The following CTNNA3 variants were observed in gnomAD, a reference collection of about 807,000 sequenced individuals.
CTNNA3 encodes catenin alpha-3.
A neutral mutation model predicts 95.7 loss-of-function variants in CTNNA3; 76 were observed. That is an observed-to-expected ratio of 0.79 (90% CI 0.66 to 0.96). The LOEUF (loss-of-function observed/expected upper bound fraction) is 0.96. Among genes scored for constraint, CTNNA3 ranks in the 40% least tolerant of loss-of-function variants. CTNNA3 has a pLI of 0.00. For synonymous variants in CTNNA3, 431 were observed against 374.4 expected (o/e 1.15, Z -1.74); for missense variants, 1,191 against 1,089.8 (o/e 1.09, Z -1.31).
intron 9 of CTNNA3, among the ~76,000 whole-genome samples, chr10:66,763,305 TAA>T (rs1457705043): frequency 5.9e-5 from 6 of 101,774 alleles, no homozygotes; most frequent in African/African-American, 8.6e-5. Context: ...CTTCATGAGA[TAA>T]ACACACACAC....
intron 17 of CTNNA3, among the ~76,000 whole-genome samples, chr10:65,923,387 G>A (rs767607035): frequency 2.0e-5 from 3 of 152,136 alleles, no homozygotes; most frequent in Non-Finnish European, 4.4e-5. Flanking sequence ...CTTATTCAAT[G>A]TTTTTATGAT....
intron 5 of CTNNA3, among the ~76,000 whole-genome samples, chr10:67,341,981 T>C (rs970974700): frequency 1.4e-5 from 2 of 143,872 alleles, no homozygotes; most frequent in Admixed American, 7.2e-5. Context: ...CTTTTTGCCA[T>C]TTATGTGTCT....
intron 1 of CTNNA3, among the ~76,000 whole-genome samples, chr10:67,692,167 T>C (rs78132199): frequency 2.1e-5 from 3 of 142,740 alleles, no homozygotes; most frequent in African/African-American, 2.6e-5. Flanking sequence ...AGGTGAGGGG[T>C]GCCTCTGCCC....
At chr10:67,328,242 C>G (rs952525766) in intron 5 of CTNNA3, among the ~76,000 whole-genome samples, 5 of 152,142 alleles carry the variant, frequency 3.3e-5, no homozygotes, top group African/African-American at 1.2e-4. Context: ...CCTGCTGGAG[C>G]TCTCTACCAG....
At chr10:66,808,314 G>A (rs1564696567) in intron 7 of CTNNA3, among the ~76,000 whole-genome samples, 1 of 152,132 alleles carries the variant, frequency 6.6e-6, no homozygotes, top group Non-Finnish European at 1.5e-5. Flanking sequence ...AGTATGTCTT[G>A]TAAATTTAAT....
At chr10:67,595,488 G>A (rs193198056) in intron 3 of CTNNA3, among the ~76,000 whole-genome samples, 98 of 152,258 alleles carry the variant, frequency 6.4e-4, no homozygotes, top group Admixed American at 5.5e-3. Context: ...ATTGCACTGA[G>A]GACCTGGAAT....
At chr10:66,218,640 A>G (rs929775875) in intron 13 of CTNNA3, among the ~76,000 whole-genome samples, 2 of 152,202 alleles carry the variant, frequency 1.3e-5, no homozygotes, top group Admixed American at 1.3e-4. Flanking sequence ...ACACTGCCAG[A>G]TTCCTTAAGA....
At chr10:66,345,564 C>A (rs966036432) in intron 12 of CTNNA3, among the ~76,000 whole-genome samples, 3 of 151,804 alleles carry the variant, frequency 2.0e-5, no homozygotes, top group Non-Finnish European at 2.9e-5. Flanking sequence ...TAAATGTAAA[C>A]AATTCTTTTC....
chr10:66,610,186 G>A (rs1844276891), intron 10 of CTNNA3, among the ~76,000 whole-genome samples: 3 of 151,948 alleles, frequency 2.0e-5, no homozygotes, highest in African/African-American at 7.2e-5. Flanking sequence ...TAATCTCCAG[G>A]AATAGACTTC....
At chr10:66,192,558 G>A (rs1421404617) in intron 13 of CTNNA3, among the ~76,000 whole-genome samples, 4 of 152,080 alleles carry the variant, frequency 2.6e-5, no homozygotes, top group Non-Finnish European at 5.9e-5. Flanking sequence ...TATTTTTCCT[G>A]TACTTTTAAG....
At chr10:67,389,806 A>G (rs1444536869) in intron 5 of CTNNA3, among the ~76,000 whole-genome samples, 1 of 152,138 alleles carries the variant, frequency 6.6e-6, no homozygotes, top group East Asian at 1.9e-4. Flanking sequence ...CTCCTGAATG[A>G]CTACTGGGTA....
intron 9 of CTNNA3, among the ~76,000 whole-genome samples, chr10:66,664,138 T>C (rs1279874721): frequency 2.6e-5 from 4 of 152,182 alleles, no homozygotes; most frequent in Admixed American, 1.3e-4. Context: ...TAATCTTTTA[T>C]ACAAAAGATT....
intron 3 of CTNNA3, among the ~76,000 whole-genome samples, chr10:67,545,744 G>A (rs1441236031): frequency 2.6e-5 from 4 of 152,162 alleles, no homozygotes; most frequent in East Asian, 1.9e-4. Flanking sequence ...TTGTGGTTTC[G>A]GTCAAAACGA....
chr10:67,708,142 GTTTTTCTCATTAA>G (rs943066376), intron 1 of CTNNA3, among the ~76,000 whole-genome samples: 4 of 152,070 alleles, frequency 2.6e-5, no homozygotes, highest in Admixed American at 2.0e-4. Context: ...TAAAATGAAT[GTTTTTCTCATTAA>G]TTTTTCTCAT....
At chr10:66,220,549 G>A (rs150936986) in intron 13 of CTNNA3, among the ~76,000 whole-genome samples, 1 of 152,284 alleles carries the variant, frequency 6.6e-6, no homozygotes, top group African/African-American at 2.4e-5. Context: ...GACGGCTTAA[G>A]TATTTAACAG....
At chr10:67,019,365 T>A (rs1285930395) in intron 7 of CTNNA3, among the ~76,000 whole-genome samples, 1 of 152,110 alleles carries the variant, frequency 6.6e-6, no homozygotes, top group Non-Finnish European at 1.5e-5. Context: ...ATTACAGGCA[T>A]GTGCCACCAC....
rs200543482 is a variant in CTNNA3 at position 66,434,091 on chromosome 10, T to C, written c.1532-54739A>G. The stretch of plus-strand genomic sequence containing the variant: ...ACAGGTAGCATTATGCCTCCAGCTT[T>C]GTTCTTTTTGCTTAGGATTGTCTTG... On this transcript the variant is annotated intron_variant, in intron 11 of 17. Coordinates refer to ENST00000433211, the MANE Select transcript of CTNNA3 (RefSeq NM_013266.4). Among the ~76,000 whole-genome samples, 92 of 152,234 alleles carry C rather than the reference T, an allele frequency of 6.0e-4. 2 individuals carry two copies. Among genetic ancestry groups the C allele is most frequent in the Non-Finnish European group, 3.4e-4 (23 of 68,038 alleles).
intron 2 of CTNNA3, among the ~76,000 whole-genome samples, chr10:67,636,261 C>T (rs562821966): frequency 2.6e-4 from 39 of 152,250 alleles, no homozygotes; most frequent in African/African-American, 8.4e-4. Context: ...TTTATAGATT[C>T]ACTGCTATTC....
Position 67,471,050 on chromosome 10 carries a change from C to A in CTNNA3, c.579+50792G>T, listed in dbSNP as rs192712573. Reference sequence around the variant, plus strand: ...AGGCTACTCTCAAAGCCCTGGGGCTCAGGTGATCTTCCTGCCTCAGCCTCC... The same window carrying A: ...AGGCTACTCTCAAAGCCCTGGGGCTAAGGTGATCTTCCTGCCTCAGCCTCC... On this transcript the variant is annotated intron_variant, in intron 5 of 17. Transcript: ENST00000433211. 2.7e-3 allele frequency among the ~76,000 whole-genome samples: 406 copies of A among 152,180 alleles called. 2 individuals are homozygous for A. Among genetic ancestry groups the A allele is most frequent in the African/African-American group, 9.4e-3 (392 of 41,524 alleles).
Sources: gnomAD v4.1 joint callset for allele counts (sites outside exome capture counted in the v4.1 genomes callset) on GRCh38, gnomAD v4.1.1 for gene constraint, MANE v1.5 for transcripts, NCBI Gene and HGNC (gene_info 2026-07-23, HGNC 2026-07-21) for gene names.